The following SCARA5 variants were observed in gnomAD, a reference collection of about 807,000 sequenced individuals.
SCARA5 encodes the protein scavenger receptor class A member 5.
A neutral mutation model predicts 46.3 loss-of-function variants in SCARA5; 45 were observed. The observed-to-expected ratio is 0.97, with a 90% CI of 0.76 to 1.24. The LOEUF (loss-of-function observed/expected upper bound fraction) is 1.24, where lower values mean the gene tolerates loss of function less well. SCARA5 is among the 50% of genes most tolerant of loss of function. The probability of loss-of-function intolerance (pLI) is 0.00; values close to 1 mark genes in which losing one functional copy is unlikely to be tolerated. For synonymous variants in SCARA5, 333 were observed against 306.5 expected, an observed-to-expected ratio of 1.09 and a Z score of -0.90; for missense variants, 680 against 689.0, an observed-to-expected ratio of 0.99 and a Z score of 0.15.
chr8:27,930,187 G>T (rs929372662), intron 3 of SCARA5, among the ~76,000 whole-genome samples: 1 of 152,150 alleles, frequency 6.6e-6, no homozygotes, highest in African/African-American at 2.4e-5. Flanking sequence ...TCCATGTGTT[G>T]TGGGAGGCAC....
At chr8:27,928,182 C>T (rs1807711995) in intron 3 of SCARA5, among the ~76,000 whole-genome samples, 1 of 152,184 alleles carries the variant, frequency 6.6e-6, no homozygotes, top group Non-Finnish European at 1.5e-5. Flanking sequence ...CATTTAATTC[C>T]TTCCAGATGT....
intron 7 of SCARA5, among the ~76,000 whole-genome samples, chr8:27,894,038 A>G (rs112552376): frequency 0.012 from 1,781 of 152,304 alleles, 16 homozygotes; most frequent in Non-Finnish European, 0.019. Context: ...AGTTCTGGGT[A>G]CTACCCAGGA....
chr8:27,963,732 C>A (rs529239483), intron 3 of SCARA5, among the ~76,000 whole-genome samples: 2 of 152,048 alleles, frequency 1.3e-5, no homozygotes, highest in Admixed American at 6.5e-5. Flanking sequence ...CTATGTGGGG[C>A]TTATAAGACT....
At chr8:27,977,798 C>A (rs996598034) in intron 2 of SCARA5, among the ~76,000 whole-genome samples, 1 of 152,250 alleles carries the variant, frequency 6.6e-6, no homozygotes, top group African/African-American at 2.4e-5. Context: ...TTCCAGCCTC[C>A]CTGGCCTGGG....
chr8:27,911,922 T>C (rs910566999), intron 4 of SCARA5, among the ~76,000 whole-genome samples: 1 of 151,994 alleles, frequency 6.6e-6, no homozygotes, highest in East Asian at 1.9e-4. Context: ...CACAGAGATA[T>C]GAGAGCACAT....
intron 4 of SCARA5, among the ~76,000 whole-genome samples, chr8:27,912,575 C>A (rs2129781768): frequency 6.6e-6 from 1 of 152,344 alleles, no homozygotes; most frequent in South Asian, 2.1e-4. Flanking sequence ...CAGCGATCTC[C>A]CCTTAAGGCC....
intron 3 of SCARA5, among the ~76,000 whole-genome samples, chr8:27,926,698 T>C (rs1190940840): frequency 1.3e-5 from 2 of 152,134 alleles, no homozygotes; most frequent in Admixed American, 1.3e-4. Context: ...TTTAGTGCAG[T>C]TTGATCTCAA....
intron 3 of SCARA5, among the ~76,000 whole-genome samples, chr8:27,957,990 G>A (rs1187378658): frequency 6.6e-6 from 1 of 152,068 alleles, no homozygotes; most frequent in Non-Finnish European, 1.5e-5. Context: ...GTACACAAAT[G>A]GATGAGCGTG....
In SCARA5 at chr8:27,915,076, A is replaced by G. The variant is rs553065148; in HGVS notation, c.917-5333T>C. 2.6e-5 allele frequency among the ~76,000 whole-genome samples: 4 copies of G among 152,258 alleles called. No individual in the cohort carries two copies. The East Asian group carries it at 7.7e-4, about 29-fold the overall frequency. On this transcript the variant is annotated intron_variant, in intron 4 of 8. Coordinates refer to ENST00000354914, the MANE Select transcript of SCARA5 (RefSeq NM_173833.6). ...AACCACCCCCAGAACCATGCTAACC[A>G]CAGGCCGGCTGACAGGGTAGAGTGG...
chr8:27,984,986 C>G (rs984174028), intron 2 of SCARA5, among the ~76,000 whole-genome samples: 1 of 151,890 alleles, frequency 6.6e-6, no homozygotes, highest in African/African-American at 2.4e-5. Context: ...CATCTATTCC[C>G]TTCATTCATC....
intron 7 of SCARA5, among the ~76,000 whole-genome samples, chr8:27,898,171 G>C (rs935668692): frequency 6.6e-6 from 1 of 152,200 alleles, no homozygotes; most frequent in African/African-American, 2.4e-5. Flanking sequence ...AATTTTTCCA[G>C]GTCCTCTTGA....
At chr8:27,920,395 C>T (rs1585489875) in intron 4 of SCARA5, among the ~76,000 whole-genome samples, 1 of 151,252 alleles carries the variant, frequency 6.6e-6, no homozygotes, top group East Asian at 2.0e-4. Flanking sequence ...GGAGGATCAC[C>T]TGAGGTCAGG....
In SCARA5 at chr8:27,905,537, A is replaced by T. The variant is rs1159930397; in HGVS notation, c.1097-703T>A. On this transcript the variant is annotated intron_variant, in intron 6 of 8. Transcript: ENST00000354914. ...GATCCAAGATTTGGGGGGGGGAAAA[A>T]AAAAAGGCAGCCATATACATATATA... 5.6e-5 allele frequency among the ~76,000 whole-genome samples: 2 copies of T among 35,830 alleles called. 1 individual carries two copies. The highest frequency in any genetic ancestry group is 1.8e-4 in the Non-Finnish European group (2 of 10,828). 23.5% of individuals were successfully genotyped at this position (35,830 alleles called of 152,430 possible).
intron 4 of SCARA5, among the ~76,000 whole-genome samples, chr8:27,916,027 T>C (rs1807455680): frequency 2.0e-5 from 3 of 152,234 alleles, no homozygotes; most frequent in African/African-American, 7.2e-5. Context: ...CTAAGTTCTC[T>C]GCTTCTTTCA....
chr8:27,947,514 G>T (rs1298780325), intron 3 of SCARA5, among the ~76,000 whole-genome samples: 1 of 152,190 alleles, frequency 6.6e-6, no homozygotes, highest in African/African-American at 2.4e-5. Flanking sequence ...GCAGAATGTG[G>T]TCTAGCCAAG....
intron 3 of SCARA5, among the ~76,000 whole-genome samples, chr8:27,929,247 C>G (rs1435571193): frequency 6.6e-6 from 1 of 152,108 alleles, no homozygotes. Flanking sequence ...GCCTCCCCAC[C>G]CACAGCCCAC....
chr8:27,924,157 C>G (rs941218177), intron 3 of SCARA5, among the ~76,000 whole-genome samples: 1 of 152,120 alleles, frequency 6.6e-6, no homozygotes, highest in South Asian at 2.1e-4. Flanking sequence ...CCCCACTCTG[C>G]TCTGCATACC....
At chr8:27,976,780 G>A (rs1175728309) in intron 2 of SCARA5, among the ~76,000 whole-genome samples, 1 of 152,176 alleles carries the variant, frequency 6.6e-6, no homozygotes, top group African/African-American at 2.4e-5. Context: ...AGCAGGCCAT[G>A]CCAGAGGAGG....
chr8:27,969,072 C>T (rs1319286939), intron 2 of SCARA5, among the ~76,000 whole-genome samples: 1 of 152,122 alleles, frequency 6.6e-6, no homozygotes, highest in Non-Finnish European at 1.5e-5. Flanking sequence ...ACAAGCAGAA[C>T]ATGAATGATC....
Sources: allele counts gnomAD v4.1 joint callset (sites outside exome capture counted in the v4.1 genomes callset), GRCh38; gene constraint gnomAD v4.1.1; transcripts MANE v1.5; gene names NCBI Gene and HGNC (gene_info 2026-07-23, HGNC 2026-07-21).